Variants in TIAM1 observed in about 807,000 individuals in gnomAD.
The protein encoded by TIAM1 is rho guanine nucleotide exchange factor TIAM1.
A neutral mutation model predicts 163.5 loss-of-function variants in TIAM1; 65 were observed. That is an observed-to-expected ratio of 0.40 (90% CI 0.33 to 0.49). The LOEUF is 0.49. TIAM1 is among the 20% of genes least tolerant of loss of function. The pLI is 0.77. For missense variants in TIAM1, 1,789 were observed against 2,044.7 expected (o/e 0.87, Z 2.41); for synonymous variants, 833 against 810.1 (o/e 1.03, Z -0.48).
intron 18 of TIAM1, 149 bp from the exon 19 acceptor site, chr21:31,152,910 T>A (rs1014730738): frequency 2.3e-6 from 3 of 1,283,256 alleles, no homozygotes; most frequent in African/African-American, 3.0e-5. Flanking sequence ...TTACTCTTCA[T>A]GAGCACACCA....
chr21:31,182,980 G>A (rs1043006017), intron 14 of TIAM1, among the ~76,000 whole-genome samples: 3 of 152,156 alleles, frequency 2.0e-5, no homozygotes, highest in Admixed American at 2.0e-4. Context: ...GGGGCGGGGC[G>A]AGCGGGGAAT....
At position 31,226,009 on chromosome 21, in the gene TIAM1, G is replaced by A. The variant is rs542704621; in HGVS notation, c.1585-59C>T. 1.2e-4 allele frequency: 185 copies of A among 1,482,546 alleles called. 1 individual carries two copies. The highest frequency in any genetic ancestry group is 2.3e-5 in the East Asian group (1 of 43,680). 91.8% of individuals were successfully genotyped at this position (1,482,546 alleles called of 1,614,324 possible). A position where few individuals can be genotyped will look rare whatever the true frequency, so the allele number is the denominator to read the frequency against. On this transcript the variant is annotated intron_variant, in intron 6 of 27. Transcript: ENST00000541036. ...CACCTCTTAGGAACTTAAGAGAAAT[G>A]AACCGGAGCATTTCCAGAGAAGCAA...
upstream of TIAM1, among the ~76,000 whole-genome samples, chr21:31,345,894 G>A (rs1424366695): frequency 6.6e-6 from 1 of 152,182 alleles, no homozygotes; most frequent in Non-Finnish European, 1.5e-5. Context: ...AGGTTGCAGT[G>A]AGCCAAGATC....
chr21:31,213,593 C>G (rs2087002825), intron 9 of TIAM1, 121 bp from the exon 10 acceptor site: 1 of 789,308 alleles, frequency 1.3e-6, no homozygotes, highest in East Asian at 2.6e-5. Context: ...TCAGATACTC[C>G]TACATCAAAT....
chr21:31,134,469 G>C (rs977528790), intron 23 of TIAM1, among the ~76,000 whole-genome samples: 1 of 151,782 alleles, frequency 6.6e-6, no homozygotes, highest in Non-Finnish European at 1.5e-5. Context: ...ATATTCCTTT[G>C]AATGGCCTAT....
intron 8 of TIAM1, among the ~76,000 whole-genome samples, chr21:31,219,022 TC>T (rs1249308549): frequency 2.1e-5 from 3 of 143,298 alleles, no homozygotes; most frequent in African/African-American, 7.8e-5. Flanking sequence ...GAGAAGCATT[TC>T]CTTTTTTTTT....
chr21:31,266,945 C>T lies in TIAM1; in HGVS notation c.28G>A (p.Glu10Lys), dbSNP rs776930759. Reference protein sequence around the residue: MGNAESQHVEHEFYGEKHAS... With the variant: MGNAESQHVKHEFYGEKHAS... The stretch of plus-strand genomic sequence containing the variant: ...TGCTTTTCTCCATAAAACTCGTGCT[C>T]TACATGTTGACTTTCTGCGTTTCCC... The change falls in exon 4 of 28, where the codon GAG (glutamate) becomes AAG (lysine). Residue 10 changes from glutamate to lysine, a missense_variant. Physicochemically the swap from Glu to Lys is moderately conservative, Grantham distance 56 (BLOSUM62 1). Around this residue, in one of 5 missense-constraint regions of TIAM1, gnomAD observed 555 missense variants for 564.9 expected, o/e 0.98. Transcript: ENST00000541036. 1.2e-6 allele frequency: 2 copies of T among 1,608,346 alleles called. No individual in the cohort carries two copies. The highest frequency in any genetic ancestry group is 2.2e-5 in the East Asian group (1 of 44,696).
intron 27 of TIAM1, among the ~76,000 whole-genome samples, chr21:31,121,350 C>G (rs2081995304): frequency 6.6e-6 from 1 of 152,118 alleles, no homozygotes; most frequent in Admixed American, 6.6e-5. Flanking sequence ...TATGGTTTTG[C>G]TGTCTTTGTA....
intron 2 of TIAM1, among the ~76,000 whole-genome samples, chr21:31,357,040 C>A (rs1203447822): frequency 1.3e-5 from 2 of 152,196 alleles, no homozygotes; most frequent in Admixed American, 1.3e-4. Context: ...CCTCCCTCAA[C>A]TCCCTGGCCC....
At chr21:31,276,506 G>A (rs548822488) in intron 3 of TIAM1, among the ~76,000 whole-genome samples, 195 of 152,282 alleles carry the variant, frequency 1.3e-3, no homozygotes, top group Middle Eastern at 3.4e-3. Flanking sequence ...TCACAGCGGA[G>A]AAAGGATTTC....
At chr21:31,278,198 A>G (rs1007672361) in intron 2 of TIAM1, among the ~76,000 whole-genome samples, 7 of 152,260 alleles carry the variant, frequency 4.6e-5, no homozygotes, top group African/African-American at 1.7e-4. Context: ...AATCACTTAC[A>G]TAGAACTTTC....
At chr21:31,171,704 C>A (rs1457664844) in intron 15 of TIAM1, among the ~76,000 whole-genome samples, 1 of 152,150 alleles carries the variant, frequency 6.6e-6, no homozygotes, top group East Asian at 1.9e-4. Flanking sequence ...ATGTCTATTT[C>A]GCCACTCCAT....
Position 31,141,550 on chromosome 21 carries a change from A to C in TIAM1, c.3476-46T>G, listed in dbSNP as rs1601249865. On this transcript the variant is annotated intron_variant, in intron 20 of 27. Coordinates refer to ENST00000541036, the MANE Select transcript of TIAM1 (RefSeq NM_001353694.2). The surrounding 1 kb of genome is among the most constrained non-coding windows in gnomAD (Gnocchi z 4.7). ...GTCATGGGGGTGGAACGCCCACGTG[A>C]CTCCCTTCCCACAATTTCCCTCCCT... 6.3e-7 allele frequency: 1 copy of C among 1,582,566 alleles called. No individual in the cohort carries two copies. Among genetic ancestry groups the C allele is most frequent in the Non-Finnish European group, 8.6e-7 (1 of 1,162,780 alleles).
At chr21:31,243,158 C>T (rs894788320) in intron 6 of TIAM1, among the ~76,000 whole-genome samples, 8 of 135,840 alleles carry the variant, frequency 5.9e-5, no homozygotes, top group Admixed American at 3.2e-4. Flanking sequence ...TGCCATTGCA[C>T]TCCAGCCTGG....
At chr21:31,200,220 C>T (rs988368247) in intron 12 of TIAM1, among the ~76,000 whole-genome samples, 1 of 152,020 alleles carries the variant, frequency 6.6e-6, no homozygotes, top group African/African-American at 2.4e-5. Context: ...AACTCTATTC[C>T]CAGCTACTTG....
At chr21:31,337,831 A>G (rs2075894328) in intron 2 of TIAM1, among the ~76,000 whole-genome samples, 2 of 151,846 alleles carry the variant, frequency 1.3e-5, no homozygotes, top group Non-Finnish European at 2.9e-5. Flanking sequence ...CACCCGGCCT[A>G]TTATTATTTA....
chr21:31,487,181 C>CAT (rs2046300010), intron 1 of TIAM1, among the ~76,000 whole-genome samples: 1 of 152,104 alleles, frequency 6.6e-6, no homozygotes, highest in Non-Finnish European at 1.5e-5. Flanking sequence ...CGACAGGGCA[C>CAT]ATTTGATGGT....
At chr21:31,372,050 A>G (rs2076605516) in intron 2 of TIAM1, among the ~76,000 whole-genome samples, 1 of 152,202 alleles carries the variant, frequency 6.6e-6, no homozygotes, top group Non-Finnish European at 1.5e-5. Context: ...CCCTGAGGCA[A>G]TATGAGTTTG....
intron 2 of TIAM1, among the ~76,000 whole-genome samples, chr21:31,419,464 G>A (rs2147255999): frequency 6.6e-6 from 1 of 152,274 alleles, no homozygotes; most frequent in African/African-American, 2.4e-5. Flanking sequence ...TGATCCTTCG[G>A]AGATACAAAA....
Sources: allele counts gnomAD v4.1 joint callset (sites outside exome capture counted in the v4.1 genomes callset), GRCh38; gene constraint gnomAD v4.1.1; regional missense constraint gnomAD v4.1.1; non-coding constraint Gnocchi (gnomAD v3.1); transcripts MANE v1.5; gene names NCBI Gene and HGNC (gene_info 2026-07-23, HGNC 2026-07-21).